MYH14: variants seen among roughly 807,000 people sequenced by gnomAD.
MYH14 encodes the protein myosin heavy chain 14.
In MYH14, 123 loss-of-function variants were observed where a neutral mutation model predicts 255.5. That is an observed-to-expected ratio of 0.48 (90% CI 0.42 to 0.56). The LOEUF is 0.56. Among genes scored for constraint, MYH14 ranks in the 20% least tolerant of loss-of-function variants. The probability of loss-of-function intolerance (pLI) is 0.00; values close to 1 mark genes in which losing one functional copy is unlikely to be tolerated. For synonymous variants in MYH14, 1,095 were observed against 1,161.2 expected (o/e 0.94, Z 1.16); for missense variants, 2,423 against 2,802.3 (o/e 0.86, Z 3.06).
intron 7 of MYH14, 28 bp from the exon 8 acceptor site, chr19:50,226,875 G>A (rs1399096658): frequency 6.2e-7 from 1 of 1,612,954 alleles, no homozygotes; most frequent in Non-Finnish European, 8.5e-7. Flanking sequence ...ACCCTCTGCT[G>A]AAGCCCACCC....
intron 2 of MYH14, among the ~76,000 whole-genome samples, chr19:50,213,819 C>T (rs2032327590): frequency 6.6e-6 from 1 of 152,032 alleles, no homozygotes; most frequent in African/African-American, 2.4e-5. Context: ...GGTCCATGTT[C>T]TGTTTTTTGT....
chr19:50,295,571 C>T (rs2036239585), intron 39 of MYH14, among the ~76,000 whole-genome samples: 1 of 151,892 alleles, frequency 6.6e-6, no homozygotes, highest in Non-Finnish European at 1.5e-5. Context: ...TGGTGGATTG[C>T]TTTTAGCGTA....
At chr19:50,206,488 A>C (rs954786987) in intron 1 of MYH14, among the ~76,000 whole-genome samples, 5 of 151,922 alleles carry the variant, frequency 3.3e-5, no homozygotes, top group Non-Finnish European at 5.9e-5. Flanking sequence ...GTCACACTGG[A>C]GATATGGGGT....
intron 1 of MYH14, among the ~76,000 whole-genome samples, chr19:50,207,283 G>A (rs1485961705): frequency 2.1e-5 from 3 of 145,920 alleles, no homozygotes; most frequent in African/African-American, 7.7e-5. Flanking sequence ...GAGAGAGAGA[G>A]AGAGAGAGAG....
chr19:50,258,731 A>AAAAAC (rs1555767730), intron 18 of MYH14: 25 of 140,618 alleles, frequency 1.8e-4, no homozygotes, highest in East Asian at 1.7e-3. Context: ...CAAAAAAAAA[A>AAAAAC]AAAAAAAAAA....
chr19:50,219,036 G>GAT (rs2032657069), intron 3 of MYH14, among the ~76,000 whole-genome samples: 1 of 144,114 alleles, frequency 6.9e-6, no homozygotes, highest in East Asian at 2.1e-4. Flanking sequence ...CACACCATGG[G>GAT]ATATATACTC....
chr19:50,308,096 T>C (rs1351439575), intron 41 of MYH14, among the ~76,000 whole-genome samples: 1 of 152,052 alleles, frequency 6.6e-6, no homozygotes, highest in Non-Finnish European at 1.5e-5. Context: ...ACACAGAGGA[T>C]TGGGGAATCC....
intron 24 of MYH14, 77 bp from the exon 25 acceptor site, chr19:50,271,332 A>ATCCCCGCTCCCATCCT: frequency 6.7e-7 from 1 of 1,489,684 alleles, no homozygotes; most frequent in Non-Finnish European, 9.1e-7. Flanking sequence ...TGGGCCAGCC[A>ATCCCCGCTCCCATCCT]TCCCCGCTCC....
intron 11 of MYH14, 142 bp downstream of exon 11, chr19:50,244,479 A>G (rs1465486918): frequency 2.7e-5 from 12 of 438,170 alleles, no homozygotes; most frequent in Non-Finnish European, 4.4e-5. Flanking sequence ...GATTTCCTGC[A>G]TTTTTTTTTT....
At chr19:50,207,270 ACAGAG>A (rs1568458380) in intron 1 of MYH14, among the ~76,000 whole-genome samples, 1 of 117,440 alleles carries the variant, frequency 8.5e-6, no homozygotes, top group African/African-American at 3.7e-5. Context: ...AGAGAGAGAG[ACAGAG>A]AGAGAGAGAG....
At chr19:50,295,457 C>T (rs190435665) in intron 39 of MYH14, among the ~76,000 whole-genome samples, 152 of 152,196 alleles carry the variant, frequency 1.0e-3, no homozygotes, top group South Asian at 4.6e-3. Flanking sequence ...GCCTGGGCAA[C>T]ACAGTGAGAC....
chr19:50,230,393 A>G lies in MYH14; in HGVS notation c.875-132A>G. 1.3e-6 allele frequency: 1 copy of G among 769,896 alleles called. No individual in the cohort carries two copies. The highest frequency in any genetic ancestry group is 3.7e-4 in the Middle Eastern group (1 of 2,712). 47.7% of individuals were successfully genotyped at this position (769,896 alleles called of 1,614,324 possible). ...TCTTCCAGTTAGTGGCAAAGTCACC[A>G]GCCTGGGCTGTGAGCGACTCCACTA... On this transcript the variant is annotated intron_variant, in intron 8 of 42. Coordinates refer to ENST00000642316, the MANE Select transcript of MYH14 (RefSeq NM_001145809.2). The surrounding 1 kb of genome is among the most constrained non-coding windows in gnomAD (Gnocchi z 4.7).
intron 10 of MYH14, among the ~76,000 whole-genome samples, chr19:50,235,179 G>A (rs2033602217): frequency 6.6e-6 from 1 of 151,956 alleles, no homozygotes; most frequent in Non-Finnish European, 1.5e-5. Context: ...CCAACATGGT[G>A]AAACCCCGTC....
At position 50,250,500 on chromosome 19, in the gene MYH14, G is replaced by A; in HGVS notation, c.1657-15G>A. The A allele has an allele frequency of 6.2e-7, 1 of 1,609,994 alleles. No homozygotes were observed. Among genetic ancestry groups the A allele is most frequent in the Non-Finnish European group, 8.5e-7 (1 of 1,178,198 alleles). ...TGGGGATCTGACTTACTCTCCCCCT[G>A]CTGTCAATGGCCAGGCCAACCCCCC... On this transcript the variant is annotated splice_polypyrimidine_tract_variant and intron_variant, in intron 14 of 42. Transcript: ENST00000642316. This position sits in a 1 kb window ranked among gnomAD's most constrained non-coding sequence, Gnocchi z 5.4.
chr19:50,257,340 G>A lies in MYH14; in HGVS notation c.2086G>A (p.Asp696Asn), dbSNP rs539256005. ...VGLEQVSSLGDGPPGGRPRRG... is the reference protein window; with the variant it reads ...VGLEQVSSLGNGPPGGRPRRG... ...GCTGGAACAGGTGAGCAGCCTGGGC[G>A]ACGGCCCACCAGGTGGCCGCCCCCG... Residue 696 changes from aspartate (D) to asparagine (N), a missense_variant, in exon 18 of 43, where the codon GAC (aspartate) becomes AAC (asparagine). By Grantham distance (23) the Asp-to-Asn change is conservative. Transcript: ENST00000642316. The A allele has an allele frequency of 2.5e-5, 40 of 1,609,520 alleles. 1 individual carries two copies. The highest frequency in any genetic ancestry group is 1.7e-4 in the South Asian group (15 of 90,156).
rs1477134167 is a variant in MYH14, at chr19:50,210,612, G to A, written c.247G>A (p.Ala83Thr). The A allele has an allele frequency of 1.3e-6, 2 of 1,570,382 alleles. No individual in the cohort carries two copies. Among genetic ancestry groups the A allele is most frequent in the South Asian group, 1.2e-5 (1 of 85,756 alleles). Residue 83 changes from alanine (A) to threonine (T), a missense_variant, in exon 2 of 43, where the codon GCG becomes ACG. By Grantham distance (58) the Ala-to-Thr change is moderately conservative. This residue lies in a region of MYH14 where 238 missense variants were observed against 245.8 expected (regional missense o/e 0.97). Coordinates refer to ENST00000642316, the MANE Select transcript of MYH14 (RefSeq NM_001145809.2). The stretch of plus-strand genomic sequence containing the variant: ...CGAGGAGGAGGCGGAGGTGGAGCTG[G>A]CGGAGAGCGGGAGGCGGCTGCGACT... ...EGEEEAEVEL[A>T]ESGRRLRLPR...
intron 2 of MYH14, among the ~76,000 whole-genome samples, chr19:50,215,349 C>T (rs2032421642): frequency 6.6e-6 from 1 of 152,182 alleles, no homozygotes; most frequent in Admixed American, 6.5e-5. Context: ...GGGGAGCTCC[C>T]GGAGCAGCCC....
At chr19:50,211,495 C>T (rs186666502) in intron 2 of MYH14, among the ~76,000 whole-genome samples, 1 of 152,218 alleles carries the variant, frequency 6.6e-6, no homozygotes, top group Non-Finnish European at 1.5e-5. Context: ...TAAAAATGAA[C>T]ATTTATTAAA....
In MYH14 at chr19:50,227,000, A is replaced by AG. The variant is rs760606178; in HGVS notation, c.874+40dup. ...TCACAGCCCATGGGGGTGGCAGCCA[A>AG]GGGGGGCAGCCTTTCAGACAGCACT... On this transcript the variant is annotated intron_variant, in intron 8 of 42. Transcript: ENST00000642316. The AG allele has an allele frequency of 2.6e-5, 41 of 1,598,130 alleles. No individual in the cohort carries two copies. In the Admixed American group the frequency reaches 5.2e-4, roughly 20 times the overall value.
Sources: gnomAD v4.1 joint callset for allele counts (sites outside exome capture counted in the v4.1 genomes callset) on GRCh38, gnomAD v4.1.1 for gene constraint, gnomAD v4.1.1 regional missense constraint, Gnocchi (gnomAD v3.1) non-coding constraint, MANE v1.5 for transcripts, NCBI Gene and HGNC (gene_info 2026-07-23, HGNC 2026-07-21) for gene names.